Variants in YTHDC1 observed in about 807,000 individuals in gnomAD.
YTHDC1 encodes the protein YTH domain-containing protein 1.
YTHDC1 carries 12 observed loss-of-function variants against 107.0 expected under a neutral mutation model. The observed-to-expected ratio is 0.11, with a 90% CI of 0.07 to 0.18. YTHDC1 has a LOEUF of 0.18. Ranked by LOEUF, YTHDC1 falls within the 10% of genes least tolerant of loss-of-function variation. YTHDC1 has a pLI of 1.00. For synonymous variants in YTHDC1, 280 were observed against 289.5 expected (o/e 0.97, Z 0.33); for missense variants, 635 against 898.8 (o/e 0.71, Z 3.75).
At position 68,313,569 on chromosome 4, in the gene YTHDC1, AGT is replaced by A. The variant is rs1721481507; in HGVS notation, c.*528_*529del. On this transcript the variant is annotated 3_prime_UTR_variant, in exon 17 of 17. Transcript: ENST00000344157. Reference sequence around the variant, plus strand: ...CATTGAAGACTGAGGAAAAATAAAAAGTGACTTTATAAGTTTTTTAAAAAAAG... The same window carrying A: ...CATTGAAGACTGAGGAAAAATAAAAAGACTTTATAAGTTTTTTAAAAAAAG... 1 of 153,542 alleles carries A rather than the reference AGT, an allele frequency of 6.5e-6. No individual in the cohort carries two copies. The highest frequency in any genetic ancestry group is 2.0e-4 in the South Asian group (1 of 4,892). 9.5% of individuals were successfully genotyped at this position (153,542 alleles called of 1,614,324 possible). A position where few individuals can be genotyped will look rare whatever the true frequency, so the allele number is the denominator to read the frequency against.
In YTHDC1 at chr4:68,312,115, C is replaced by A. The variant is rs537920019; in HGVS notation, c.*1984G>T. 4 of 152,272 alleles carry A rather than the reference C, an allele frequency of 2.6e-5. No individual in the cohort carries two copies. Among genetic ancestry groups the A allele is most frequent in the Admixed American group, 2.6e-4 (4 of 15,284 alleles). The allele number at this position is 152,272 out of a possible 1,614,324, so 9.4% of individuals were successfully genotyped here. ...CCACCTGGGCGACAGACTCCATCTC[C>A]AAAACATTTATTAATTTATATACTG... On this transcript the variant is annotated 3_prime_UTR_variant, in exon 17 of 17. Transcript: ENST00000344157.
At chr4:68,335,269 ACT>A (rs61326823) in intron 4 of YTHDC1, among the ~76,000 whole-genome samples, 33,834 of 151,622 alleles carry the variant, frequency 0.22, 4,387 homozygotes, top group East Asian at 0.55. Context: ...TCACCCCATT[ACT>A]CTTTCATAAA....
rs368156877 is a variant in YTHDC1 at position 68,332,175 on chromosome 4, A to G, written c.1050T>C (p.Tyr350=). ...VRKDQTSKLK[Y]VLQDARFFLI... ...GGAAAAATCTTGCATCTTGAAGCAC[A>G]TATTTGAGTTTACTGGTTTGATCTG... Residue 350 remains tyrosine (Y), a synonymous_variant, in exon 7 of 17, where the codon TAT becomes TAC. Transcript: ENST00000344157. 1.9e-6 allele frequency: 3 copies of G among 1,606,246 alleles called. No individual in the cohort carries two copies. The highest frequency in any genetic ancestry group is 1.3e-5 in the African/African-American group (1 of 74,326).
chr4:68,313,912 G>T lies in YTHDC1; in HGVS notation c.*187C>A. 2 of 635,924 alleles carry T rather than the reference G, an allele frequency of 3.1e-6. No individual in the cohort carries two copies. The highest frequency in any genetic ancestry group is 5.4e-6 in the Non-Finnish European group (2 of 370,500). The allele number at this position is 635,924 out of a possible 1,614,324, so 39.4% of individuals were successfully genotyped here. A position where few individuals can be genotyped will look rare whatever the true frequency, so the allele number is the denominator to read the frequency against. On this transcript the variant is annotated 3_prime_UTR_variant, in exon 17 of 17. Transcript: ENST00000344157. ...TTCAACTGTCAGCTGTGGATTTTTG[G>T]CGGATTTGAGTTTTTCCAGTTCTTA...
intron 1 of YTHDC1, among the ~76,000 whole-genome samples, chr4:68,342,933 T>G (rs1725008246): frequency 6.6e-6 from 1 of 152,172 alleles, no homozygotes; most frequent in Non-Finnish European, 1.5e-5. Context: ...TTTTAACCAT[T>G]TCCTTTGTCC....
intron 1 of YTHDC1, among the ~76,000 whole-genome samples, chr4:68,345,662 T>C (rs918322301): frequency 4.6e-5 from 7 of 152,132 alleles, no homozygotes; most frequent in Non-Finnish European, 1.0e-4. Context: ...ATACTATAGG[T>C]AAAATAAATA....
intron 11 of YTHDC1, among the ~76,000 whole-genome samples, 188 bp from the exon 12 acceptor site, chr4:68,320,393 T>G (rs1031126723): frequency 3.3e-5 from 5 of 152,256 alleles, no homozygotes; most frequent in Admixed American, 1.3e-4. Flanking sequence ...AAACCAAACT[T>G]TAAATGTACT....
intron 6 of YTHDC1, among the ~76,000 whole-genome samples, chr4:68,332,459 G>A (rs1723698220): frequency 6.6e-6 from 1 of 151,952 alleles, no homozygotes; most frequent in Admixed American, 6.6e-5. Context: ...TGGTTACCAA[G>A]TTTTATAGAT....
intron 15 of YTHDC1, among the ~76,000 whole-genome samples, chr4:68,316,734 C>G (rs182774833): frequency 1.3e-5 from 2 of 152,258 alleles, no homozygotes; most frequent in East Asian, 3.9e-4. Flanking sequence ...AAGCACTTTA[C>G]TAGTCTCATT....
chr4:68,314,558 C>T (rs376613879), intron 16 of YTHDC1, among the ~76,000 whole-genome samples: 9 of 152,314 alleles, frequency 5.9e-5, no homozygotes, highest in African/African-American at 1.7e-4. Context: ...ACATCTACAA[C>T]AGATTATTCA....
At chr4:68,330,622 C>A (rs1023684696) in intron 7 of YTHDC1, among the ~76,000 whole-genome samples, 5 of 152,074 alleles carry the variant, frequency 3.3e-5, no homozygotes, top group Non-Finnish European at 7.4e-5. Flanking sequence ...TTTAATATTA[C>A]AACCATTTAC....
chr4:68,329,655 T>C (rs1184681897), intron 9 of YTHDC1, among the ~76,000 whole-genome samples: 1 of 152,198 alleles, frequency 6.6e-6, no homozygotes, highest in East Asian at 1.9e-4. Flanking sequence ...AAAAATACTG[T>C]CCACGACTAA....
intron 9 of YTHDC1, among the ~76,000 whole-genome samples, chr4:68,326,972 G>A (rs1723059152): frequency 6.6e-6 from 1 of 151,452 alleles, no homozygotes; most frequent in South Asian, 2.1e-4. Flanking sequence ...AGTGGCTCAT[G>A]CCTGTAGTAA....
intron 1 of YTHDC1, among the ~76,000 whole-genome samples, chr4:68,347,014 G>A (rs1560508795): frequency 6.6e-6 from 1 of 152,092 alleles, no homozygotes; most frequent in Admixed American, 6.6e-5. Context: ...CTTAGCTTTC[G>A]TTATCATACT....
intron 9 of YTHDC1, among the ~76,000 whole-genome samples, chr4:68,324,772 TGTACAATAGATAA>T (rs1404462159): frequency 2.0e-5 from 3 of 152,162 alleles, no homozygotes; most frequent in South Asian, 4.1e-4. Flanking sequence ...TGGCTTGAGT[TGTACAATAGATAA>T]TTTATTTATA....
chr4:68,338,327 T>G lies in YTHDC1; in HGVS notation c.86A>C (p.Glu29Ala). The G allele has an allele frequency of 6.2e-7, 1 of 1,609,102 alleles. No individual in the cohort carries two copies. ...TTGTTCACTCTCTGGATTATACAGT[T>G]CATCATCTTGTTCTGGTACTTCAGT... is the stretch of plus-strand genomic sequence containing the variant. The part of the protein sequence containing the change: ...ILTEVPEQDD[E>A]LYNPESEQDK... Residue 29 changes from glutamate to alanine, a missense_variant, in exon 2 of 17, where the codon GAA becomes GCA. By Grantham distance (107) the Glu-to-Ala change is moderately radical. Around this residue, in one of 5 missense-constraint regions of YTHDC1, gnomAD observed 4 missense variants for 20.2 expected, o/e 0.20. Transcript: ENST00000344157.
At position 68,316,323 on chromosome 4, in the gene YTHDC1, A is replaced by G. The variant is rs1461521916; in HGVS notation, c.1950T>C (p.Asp650=). ...HPVPHEARYR[D]KRVHDYDMRV... ...CTCCTTGTGCACTTACTACTCGTTT[A>G]TCTCTGTATCTTGCTTCATGTGGTA... Residue 650 remains aspartate, a synonymous_variant, in exon 16 of 17, where the codon GAT becomes GAC. Coordinates refer to ENST00000344157, the MANE Select transcript of YTHDC1 (RefSeq NM_001031732.4). 4.3e-6 allele frequency: 7 copies of G among 1,611,894 alleles called. No homozygotes were observed. The South Asian group carries it at 5.5e-5, about 13-fold the overall frequency.
chr4:68,339,166 C>T (rs1266665726), intron 1 of YTHDC1, among the ~76,000 whole-genome samples: 1 of 152,178 alleles, frequency 6.6e-6, no homozygotes, highest in Non-Finnish European at 1.5e-5. Flanking sequence ...TCAAAGTTAA[C>T]ATCACCAGTA....
At position 68,318,474 on chromosome 4, in the gene YTHDC1, C is replaced by A. The variant is rs112324668; in HGVS notation, c.1824+45G>T. 372 of 1,524,956 alleles carry A rather than the reference C, an allele frequency of 2.4e-4. 1 individual carries two copies. The African/African-American group carries it at 3.2e-3, about 13-fold the overall frequency. The allele number at this position is 1,524,956 out of a possible 1,614,324, so 94.5% of individuals were successfully genotyped here. A position where few individuals can be genotyped will look rare whatever the true frequency, so the allele number is the denominator to read the frequency against. On this transcript the variant is annotated intron_variant, in intron 15 of 16. Transcript: ENST00000344157. The stretch of plus-strand genomic sequence containing the variant: ...CGAGTAAGCACCTGAAATACTAGAA[C>A]TGCAAATTAAGTTATGTAACTTATA...
Sources: allele counts gnomAD v4.1 joint callset (sites outside exome capture counted in the v4.1 genomes callset), GRCh38; gene constraint gnomAD v4.1.1; regional missense constraint gnomAD v4.1.1; transcripts MANE v1.5; gene names NCBI Gene and HGNC (gene_info 2026-07-23, HGNC 2026-07-21).